The following GRID2IP variants were observed in gnomAD, a reference collection of about 807,000 sequenced individuals.
GRID2IP encodes delphilin.
A neutral mutation model predicts 114.3 loss-of-function variants in GRID2IP; 78 were observed. The observed-to-expected ratio is 0.68, with a 90% CI of 0.57 to 0.82. The LOEUF (loss-of-function observed/expected upper bound fraction) is 0.82. GRID2IP is among the 40% of genes least tolerant of loss of function. The pLI, the probability that GRID2IP is intolerant of heterozygous loss-of-function variation, is 0.00. For synonymous variants in GRID2IP, 809 were observed against 724.0 expected (o/e 1.12, Z -1.89); for missense variants, 1,727 against 1,678.5 (o/e 1.03, Z -0.51).
At chr7:6,510,588 G>A in intron 10 of GRID2IP, 21 bp downstream of exon 10, 2 of 1,505,546 alleles carry the variant, frequency 1.3e-6, no homozygotes, top group Non-Finnish European at 1.8e-6. Context: ...GACCCCACGT[G>A]GAGGGCAGAG....
rs950691188 is a variant in GRID2IP at position 6,535,191 on chromosome 7, A to G, written c.584+4527T>C. Among the ~76,000 whole-genome samples the G allele has an allele frequency of 1.1e-4, 17 of 151,946 alleles. No individual in the cohort carries two copies. The East Asian group carries it at 2.9e-3, about 26-fold the overall frequency. ...TGAGCCACCGCGCCGGGCCTTGCCC[A>G]GCAAATTGTTGTATTTTTAGTAGAG... On this transcript the variant is annotated intron_variant, in intron 2 of 21. Transcript: ENST00000457091.
chr7:6,533,463 A>C (rs1489266302), intron 2 of GRID2IP, among the ~76,000 whole-genome samples: 2 of 152,006 alleles, frequency 1.3e-5, no homozygotes, highest in African/African-American at 4.8e-5. Flanking sequence ...GGCTTAAGTG[A>C]TCCTCCCACC....
Position 6,520,838 on chromosome 7 carries a change from G to C in GRID2IP, c.1085-77C>G. 7.3e-7 allele frequency: 1 copy of C among 1,372,616 alleles called. No homozygotes were observed. The highest frequency in any genetic ancestry group is 9.9e-7 in the Non-Finnish European group (1 of 1,008,118). The allele number at this position is 1,372,616 out of a possible 1,614,324, so 85.0% of individuals were successfully genotyped here. A position where few individuals can be genotyped will look rare whatever the true frequency, so the allele number is the denominator to read the frequency against. On this transcript the variant is annotated intron_variant, in intron 6 of 21. Coordinates refer to ENST00000457091, the MANE Select transcript of GRID2IP (RefSeq NM_001145118.2). The surrounding 1 kb of genome is among the most constrained non-coding windows in gnomAD (Gnocchi z 4.6). ...AGGTGTAGTCTCCCTGGCTTTTGAG[G>C]TCAGGAGACCTCCTGAGCTGGGGTG...
intron 7 of GRID2IP, among the ~76,000 whole-genome samples, chr7:6,518,051 C>T (rs1779344452): frequency 6.6e-6 from 1 of 150,886 alleles, no homozygotes; most frequent in African/African-American, 2.4e-5. Context: ...CATGGCAAAA[C>T]CCTGTCTCTA....
intron 20 of GRID2IP, 42 bp downstream of exon 20, chr7:6,501,739 C>T: frequency 6.9e-7 from 1 of 1,456,484 alleles, no homozygotes; most frequent in Non-Finnish European, 9.4e-7. Context: ...CCAACCACCC[C>T]AGGATCCAGC....
chr7:6,543,190 T>C (rs1056491801), intron 1 of GRID2IP, among the ~76,000 whole-genome samples: 2 of 151,934 alleles, frequency 1.3e-5, no homozygotes, highest in Non-Finnish European at 2.9e-5. Context: ...AAGTTAGGAG[T>C]TCGAGACCAG....
At position 6,530,919 on chromosome 7, in the gene GRID2IP, G is replaced by C; in HGVS notation, c.585-4150C>G. ...TTTATTTCCAACCTCCCTGGGCCTC[G>C]GGCTCCGCCCAGGCTCGGAGGGTGC... On this transcript the variant is annotated intron_variant, in intron 2 of 21. Coordinates refer to ENST00000457091, the MANE Select transcript of GRID2IP (RefSeq NM_001145118.2). 6.4e-6 allele frequency: 3 copies of C among 471,744 alleles called. No individual in the cohort carries two copies. The South Asian group carries it at 9.9e-5, about 16-fold the overall frequency. The allele number at this position is 471,744 out of a possible 1,614,324, so 29.2% of individuals were successfully genotyped here.
chr7:6,527,074 A>T (rs1425277001), intron 2 of GRID2IP, among the ~76,000 whole-genome samples: 2 of 151,430 alleles, frequency 1.3e-5, no homozygotes, highest in African/African-American at 4.9e-5. Flanking sequence ...CAGTCCACGG[A>T]CCCGTTCCTC....
At position 6,509,173 on chromosome 7, in the gene GRID2IP, C is replaced by A; in HGVS notation, c.1912G>T (p.Ala638Ser). The A allele has an allele frequency of 6.8e-7, 1 of 1,473,688 alleles. No homozygotes were observed. The highest frequency in any genetic ancestry group is 9.0e-7 in the Non-Finnish European group (1 of 1,110,572). The allele number at this position is 1,473,688 out of a possible 1,614,324, so 91.3% of individuals were successfully genotyped here. A position where few individuals can be genotyped will look rare whatever the true frequency, so the allele number is the denominator to read the frequency against. The change falls in exon 12 of 22, where the codon GCA (alanine) becomes TCA (serine). Residue 638 changes from alanine (A) to serine (S), a missense_variant. By Grantham distance (99) the Ala-to-Ser change is moderately conservative. Transcript: ENST00000457091. The surrounding 1 kb of genome is among the most constrained non-coding windows in gnomAD (Gnocchi z 4.9). The part of the protein sequence containing the change: ...HPYASLDSSR[A>S]PSPQPGPGPI... ...CCGGGGCCTGGCTGTGGGGAGGGTG[C>A]CCTGCTGCTGTCCAGGCTGGCGTAG...
rs1035081413 is a variant in GRID2IP, at chr7:6,503,174, G to T, written c.2908-11C>A. The T allele has an allele frequency of 1.3e-6, 2 of 1,504,340 alleles. No individual in the cohort carries two copies. Among genetic ancestry groups the T allele is most frequent in the African/African-American group, 1.4e-5 (1 of 72,048 alleles). The allele number at this position is 1,504,340 out of a possible 1,614,324, so 93.2% of individuals were successfully genotyped here. On this transcript the variant is annotated splice_polypyrimidine_tract_variant and intron_variant, in intron 16 of 21. Transcript: ENST00000457091. ...GGGAACTGACAGCATCTGCCTCGAA[G>T]GCAGAGCCAGGATTCACCCATCCCC...
chr7:6,502,741 G>T, intron 18 of GRID2IP, 45 bp downstream of exon 18: 1 of 1,417,174 alleles, frequency 7.1e-7, no homozygotes, highest in Non-Finnish European at 9.8e-7. Context: ...TTAGCGCCTT[G>T]CTGGTAGAGC....
chr7:6,514,510 C>T lies in GRID2IP; in HGVS notation c.1288G>A (p.Val430Ile), dbSNP rs370600166. 8.0e-5 allele frequency: 123 copies of T among 1,531,434 alleles called. No homozygotes were observed. Among genetic ancestry groups the T allele is most frequent in the African/African-American group, 3.7e-4 (27 of 72,536 alleles). 94.9% of individuals were successfully genotyped at this position (1,531,434 alleles called of 1,614,324 possible). ...FQHRNIDTLI[V>I]DVYPVLDTPA... Reference sequence around the variant, plus strand: ...GTGTCCAGCACAGGGTAGACGTCAACGATGAGGGTGTCGATGTTCCTGGGG... The same window carrying T: ...GTGTCCAGCACAGGGTAGACGTCAATGATGAGGGTGTCGATGTTCCTGGGG... Residue 430 changes from valine (V) to isoleucine (I), a missense_variant, in exon 8 of 22, where the codon GTT becomes ATT. By Grantham distance (29) the Val-to-Ile change is conservative. Transcript: ENST00000457091.
At chr7:6,502,226 C>T (rs1371841615) in intron 18 of GRID2IP, 108 bp from the exon 19 acceptor site, 1 of 1,101,898 alleles carries the variant, frequency 9.1e-7, no homozygotes, top group Non-Finnish European at 1.3e-6. Context: ...ATTCTTGGCG[C>T]CCCCACTTTT....
At chr7:6,518,909 G>A (rs1018087757) in intron 7 of GRID2IP, among the ~76,000 whole-genome samples, 1 of 151,562 alleles carries the variant, frequency 6.6e-6, no homozygotes, top group East Asian at 1.9e-4. Flanking sequence ...ATCAAGCACA[G>A]TTTTTTTTTG....
At chr7:6,502,530 G>A (rs1351060815) in intron 18 of GRID2IP, among the ~76,000 whole-genome samples, 2 of 152,084 alleles carry the variant, frequency 1.3e-5, no homozygotes, top group Non-Finnish European at 2.9e-5. Flanking sequence ...CCCAGCCTTT[G>A]ACACTCTCTT....
At chr7:6,503,745 C>G in intron 15 of GRID2IP, 58 bp from the exon 16 acceptor site, 1 of 1,298,304 alleles carries the variant, frequency 7.7e-7, no homozygotes, top group Non-Finnish European at 1.0e-6. Flanking sequence ...GGATGGGACC[C>G]AAGACGGAGA....
intron 20 of GRID2IP, among the ~76,000 whole-genome samples, chr7:6,500,638 T>C (rs557374831): frequency 2.6e-5 from 4 of 152,324 alleles, no homozygotes; most frequent in South Asian, 2.1e-4. Flanking sequence ...CCAGGCCCCA[T>C]GTGCTGCAGT....
In GRID2IP at chr7:6,509,199, G is replaced by C. The variant is rs1786689943; in HGVS notation, c.1886C>G (p.Pro629Arg). 1 of 1,489,072 alleles carries C rather than the reference G, an allele frequency of 6.7e-7. No individual in the cohort carries two copies. Among genetic ancestry groups the C allele is most frequent in the Non-Finnish European group, 9.0e-7 (1 of 1,116,506 alleles). 92.2% of individuals were successfully genotyped at this position (1,489,072 alleles called of 1,614,324 possible). A position where few individuals can be genotyped will look rare whatever the true frequency, so the allele number is the denominator to read the frequency against. ...LASPSSSESH[P>R]YASLDSSRAP... is the part of the protein sequence containing the mutation. ...CCTGCTGCTGTCCAGGCTGGCGTAGGGGTGGGACTCAGAGCTGCTGGGGGA... is the reference window on the plus strand; with the variant it reads ...CCTGCTGCTGTCCAGGCTGGCGTAGCGGTGGGACTCAGAGCTGCTGGGGGA... The change falls in exon 12 of 22, where the codon CCC (proline) becomes CGC (arginine). Residue 629 changes from proline to arginine, a missense_variant. Physicochemically the swap from Pro to Arg is moderately radical, Grantham distance 103. Coordinates refer to ENST00000457091, the MANE Select transcript of GRID2IP (RefSeq NM_001145118.2). The surrounding 1 kb of genome is among the most constrained non-coding windows in gnomAD (Gnocchi z 4.9).
rs78156368 is a variant in GRID2IP at position 6,509,649 on chromosome 7, G to A, written c.1772-336C>T. 0.15 allele frequency among the ~76,000 whole-genome samples: 23,364 copies of A among 152,162 alleles called. 2,225 individuals carry two copies. Among genetic ancestry groups the A allele is most frequent in the Non-Finnish European group, 0.21 (14,039 of 67,952 alleles). On this transcript the variant is annotated intron_variant, in intron 11 of 21. Transcript: ENST00000457091. The surrounding 1 kb of genome is among the most constrained non-coding windows in gnomAD (Gnocchi z 4.9). Reference sequence around the variant, plus strand: ...GGGCCCAGAGCCACAGTCATGGAGCGTCTCGCGCACCCAGCAAGCCCTGAG... The same window carrying A: ...GGGCCCAGAGCCACAGTCATGGAGCATCTCGCGCACCCAGCAAGCCCTGAG...
Sources: gnomAD v4.1 joint callset for allele counts (sites outside exome capture counted in the v4.1 genomes callset) on GRCh38, gnomAD v4.1.1 for gene constraint, Gnocchi (gnomAD v3.1) non-coding constraint, MANE v1.5 for transcripts, NCBI Gene and HGNC (gene_info 2026-07-23, HGNC 2026-07-21) for gene names.